ARHGAP39: variants seen among roughly 807,000 people sequenced by gnomAD.
ARHGAP39 encodes Rho GTPase activating protein 39.
ARHGAP39 carries 44 observed loss-of-function variants against 106.9 expected under a neutral mutation model. The ratio of observed to expected loss-of-function variants is 0.41; its 90% CI spans 0.32 to 0.53. The LOEUF (loss-of-function observed/expected upper bound fraction) is 0.53. Among genes scored for constraint, ARHGAP39 ranks in the 20% least tolerant of loss-of-function variants. ARHGAP39 has a pLI of 0.21. For synonymous variants in ARHGAP39, 768 were observed against 693.2 expected (o/e 1.11, Z -1.69); for missense variants, 1,496 against 1,577.3 (o/e 0.95, Z 0.87).
chr8:144,686,319 C>T (rs1563738537), upstream of ARHGAP39, among the ~76,000 whole-genome samples: 1 of 152,000 alleles, frequency 6.6e-6, no homozygotes, highest in Non-Finnish European at 1.5e-5. Context: ...CCTTTTTAGT[C>T]CTGTCACTTT....
At chr8:144,651,305 G>A (rs1041071804) in intron 1 of ARHGAP39, among the ~76,000 whole-genome samples, 5 of 151,988 alleles carry the variant, frequency 3.3e-5, no homozygotes, top group South Asian at 2.1e-4. Context: ...AGGAAGAATC[G>A]GTATCATTAA....
In ARHGAP39 at chr8:144,644,165, G is replaced by A. The variant is rs986912429; in HGVS notation, c.-81-38470C>T. Among the ~76,000 whole-genome samples the A allele has an allele frequency of 7.2e-5, 11 of 152,088 alleles. No individual in the cohort carries two copies. The highest frequency in any genetic ancestry group is 1.6e-4 in the Non-Finnish European group (11 of 68,024). ...GGAGCCAAACACAGCACAGCCCCACGTTCACCACCAGACGATGGGGGAGAA... is the reference window on the plus strand; with the variant it reads ...GGAGCCAAACACAGCACAGCCCCACATTCACCACCAGACGATGGGGGAGAA... On this transcript the variant is annotated intron_variant, in intron 1 of 11. Coordinates refer to ENST00000377307, the MANE Select transcript of ARHGAP39 (RefSeq NM_025251.3). The surrounding 1 kb of genome is among the most constrained non-coding windows in gnomAD (Gnocchi z 4.8).
chr8:144,670,224 C>T lies in ARHGAP39; in HGVS notation c.-82+15462G>A, dbSNP rs1040753492. On this transcript the variant is annotated intron_variant, in intron 1 of 11. Transcript: ENST00000377307. The surrounding 1 kb of genome is among the most constrained non-coding windows in gnomAD (Gnocchi z 4.4). ...AGCTCGGACGCATGCTAGAGCGTACCGGGAAGCTGGATGAGGGCCTGGGAC... is the reference window on the plus strand; with the variant it reads ...AGCTCGGACGCATGCTAGAGCGTACTGGGAAGCTGGATGAGGGCCTGGGAC... Among the ~76,000 whole-genome samples the T allele has an allele frequency of 6.6e-6, 1 of 152,178 alleles. No individual in the cohort carries two copies. The highest frequency in any genetic ancestry group is 1.5e-5 in the Non-Finnish European group (1 of 68,038).
intron 1 of ARHGAP39, among the ~76,000 whole-genome samples, chr8:144,636,720 G>A (rs563426713): frequency 2.6e-5 from 4 of 152,262 alleles, no homozygotes; most frequent in African/African-American, 7.2e-5. Flanking sequence ...CCCAGCCTTG[G>A]AGCATCGCCG....
At chr8:144,534,259 A>C in intron 7 of ARHGAP39, 57 bp from the exon 8 acceptor site, 1 of 1,594,170 alleles carries the variant, frequency 6.3e-7, no homozygotes, top group East Asian at 2.2e-5. Flanking sequence ...TGGGGCCAGG[A>C]GAGGGGTGAG....
chr8:144,600,828 G>T (rs370230654), intron 2 of ARHGAP39, among the ~76,000 whole-genome samples: 2 of 150,904 alleles, frequency 1.3e-5, no homozygotes, highest in South Asian at 4.2e-4. Context: ...TGTGCGTGGA[G>T]GCGTGTGTGT....
At chr8:144,686,926 G>A (rs1479023616), upstream of ARHGAP39, among the ~76,000 whole-genome samples, 16 of 51,340 alleles carry the variant, frequency 3.1e-4, no homozygotes, top group Admixed American at 1.9e-4. Flanking sequence ...ACACACTGGC[G>A]GCGACCATTT....
At chr8:144,696,576 G>A in the ARHGAP39 span, among the ~76,000 whole-genome samples, 51 of 152,176 alleles carry the variant, frequency 3.4e-4, no homozygotes, top group African/African-American at 1.1e-3. Flanking sequence ...AAAGGATTCC[G>A]CTGATCTATC....
chr8:144,576,627 G>A (rs549570551), intron 3 of ARHGAP39, among the ~76,000 whole-genome samples: 2 of 152,184 alleles, frequency 1.3e-5, no homozygotes, highest in Non-Finnish European at 2.9e-5. Flanking sequence ...GCAGAGACGA[G>A]TCAAAACGAA....
intron 1 of ARHGAP39, among the ~76,000 whole-genome samples, chr8:144,613,427 T>C (rs1197763443): frequency 6.6e-6 from 1 of 152,190 alleles, no homozygotes; most frequent in African/African-American, 2.4e-5. Flanking sequence ...TGTTGTGTGT[T>C]TGGAAACATC....
chr8:144,631,882 G>C (rs766638078), intron 1 of ARHGAP39, among the ~76,000 whole-genome samples: 3 of 152,250 alleles, frequency 2.0e-5, no homozygotes, highest in Non-Finnish European at 4.4e-5. Context: ...CAAGAACTGA[G>C]AGCAAGAGTC....
chr8:144,638,671 C>A (rs1487549024), intron 1 of ARHGAP39, among the ~76,000 whole-genome samples: 1 of 152,118 alleles, frequency 6.6e-6, no homozygotes, highest in African/African-American at 2.4e-5. Context: ...ATCACTCCTG[C>A]TGATCTCTTG....
At chr8:144,530,986 G>C (rs1871536) in intron 10 of ARHGAP39, 115 bp from the exon 11 acceptor site, 2 of 1,337,710 alleles carry the variant, frequency 1.5e-6, no homozygotes, top group African/African-American at 2.9e-5. Context: ...TGGGAGGGCC[G>C]GCTCATTCTG....
intron 9 of ARHGAP39, among the ~76,000 whole-genome samples, chr8:144,532,916 G>C (rs1816787158): frequency 6.6e-6 from 1 of 152,238 alleles, no homozygotes; most frequent in South Asian, 2.1e-4. Context: ...TGGCTGTGCT[G>C]CCTCTTTGGA....
chr8:144,545,606 A>G lies in ARHGAP39; in HGVS notation c.2164T>C (p.Trp722Arg). 6.2e-7 allele frequency: 1 copy of G among 1,613,702 alleles called. No individual in the cohort carries two copies. Among genetic ancestry groups the G allele is most frequent in the Non-Finnish European group, 8.5e-7 (1 of 1,180,012 alleles). Reference sequence around the variant, plus strand: ...GGCTTCTTGATGGACTCGCTGCTCCAGGCCAGCATGTTGGCGATGGACACC... The same window carrying G: ...GGCTTCTTGATGGACTCGCTGCTCCGGGCCAGCATGTTGGCGATGGACACC... ...RKVSIANMLA[W>R]SSESIKKPMI... Residue 722 changes from tryptophan to arginine, a missense_variant, in exon 6 of 12, where the codon TGG becomes CGG. By Grantham distance (101) the Trp-to-Arg change is moderately radical (BLOSUM62 -3). Coordinates refer to ENST00000377307, the MANE Select transcript of ARHGAP39 (RefSeq NM_025251.3).
chr8:144,643,246 G>GA (rs1387609905), intron 1 of ARHGAP39, among the ~76,000 whole-genome samples: 1 of 152,038 alleles, frequency 6.6e-6, no homozygotes, highest in Non-Finnish European at 1.5e-5. Context: ...TGGACTGCTT[G>GA]AACTCAGGTG....
rs148609003 is a variant in ARHGAP39, at chr8:144,588,189, A to G, written c.81-6912T>C. 3.0e-3 allele frequency among the ~76,000 whole-genome samples: 462 copies of G among 152,316 alleles called. 2 individuals are homozygous for G. The highest frequency in any genetic ancestry group is 5.2e-3 in the African/African-American group (216 of 41,580). ...CTCGTTGCCCTGGGCCTGCAGCTTAAGACCTGGCAGGAGTGAGGGCATACA... is the reference window on the plus strand; with the variant it reads ...CTCGTTGCCCTGGGCCTGCAGCTTAGGACCTGGCAGGAGTGAGGGCATACA... On this transcript the variant is annotated intron_variant, in intron 2 of 11. Transcript: ENST00000377307.
the ARHGAP39 span, among the ~76,000 whole-genome samples, chr8:144,697,527 C>CT: frequency 4.7e-5 from 7 of 149,830 alleles, no homozygotes; most frequent in South Asian, 2.1e-4. Context: ...TTTTCTTTTT[C>CT]TTTTTTTTTG....
intron 3 of ARHGAP39, among the ~76,000 whole-genome samples, chr8:144,556,168 C>G (rs1817910589): frequency 1.3e-5 from 2 of 151,912 alleles, no homozygotes; most frequent in South Asian, 4.2e-4. Context: ...GCCTGTAGTC[C>G]CAGCTACTTG....
Sources: allele counts gnomAD v4.1 joint callset (sites outside exome capture counted in the v4.1 genomes callset), GRCh38; gene constraint gnomAD v4.1.1; non-coding constraint Gnocchi (gnomAD v3.1); transcripts MANE v1.5; gene names NCBI Gene and HGNC (gene_info 2026-07-23, HGNC 2026-07-21).